DRGX: variants seen among roughly 807,000 people sequenced by gnomAD.
DRGX encodes dorsal root ganglia homeobox protein.
Under a neutral mutation model 28.6 loss-of-function variants are expected in DRGX, and 21 were observed. The ratio of observed to expected loss-of-function variants is 0.73; its 90% CI spans 0.52 to 1.06. The LOEUF (loss-of-function observed/expected upper bound fraction) is 1.06, where lower values mean the gene tolerates loss of function less well. Among genes scored for constraint, DRGX ranks in the 50% least tolerant of loss-of-function variants. The pLI, the probability that DRGX is intolerant of heterozygous loss-of-function variation, is 0.00. For missense variants in DRGX, 354 were observed against 343.9 expected, an observed-to-expected ratio of 1.03 and a Z score of -0.23; for synonymous variants, 136 against 139.1, an observed-to-expected ratio of 0.98 and a Z score of 0.16.
At chr10:49,371,932 C>T (rs978115426) in intron 6 of DRGX, among the ~76,000 whole-genome samples, 1 of 152,052 alleles carries the variant, frequency 6.6e-6, no homozygotes, top group Non-Finnish European at 1.5e-5. Context: ...CCAAGACTGC[C>T]ACAAACTAGA....
chr10:49,372,478 G>T (rs992215741), intron 6 of DRGX, among the ~76,000 whole-genome samples: 1 of 152,128 alleles, frequency 6.6e-6, no homozygotes, highest in East Asian at 1.9e-4. Context: ...CAGCTTCTTC[G>T]CCTTAACACA....
At chr10:49,395,085 C>T (rs1358811891) in intron 2 of DRGX, among the ~76,000 whole-genome samples, 4 of 152,362 alleles carry the variant, frequency 2.6e-5, no homozygotes, top group East Asian at 3.9e-4. Flanking sequence ...TTGATGCGGC[C>T]CCCTGGGTTG....
intron 2 of DRGX, among the ~76,000 whole-genome samples, chr10:49,392,078 G>T (rs1204822989): frequency 1.3e-5 from 2 of 152,178 alleles, no homozygotes; most frequent in Non-Finnish European, 2.9e-5. Flanking sequence ...ACAGAGTTTG[G>T]CCCCAAATGT....
Position 49,366,018 on chromosome 10 carries a change from G to A in DRGX, c.*98C>T, listed in dbSNP as rs978590591. ...GGGTCCATGCAGAGGCCCTGGGGCCGCAGGCTTCTCCTTGCTATTTGGAGA... is the reference window on the plus strand; with the variant it reads ...GGGTCCATGCAGAGGCCCTGGGGCCACAGGCTTCTCCTTGCTATTTGGAGA... On this transcript the variant is annotated 3_prime_UTR_variant, in exon 7 of 7. Coordinates refer to ENST00000374139, the MANE Select transcript of DRGX (RefSeq NM_001276451.2). 25 of 1,404,742 alleles carry A rather than the reference G, an allele frequency of 1.8e-5. No individual in the cohort carries two copies. The highest frequency in any genetic ancestry group is 4.9e-5 in the East Asian group (2 of 40,704). 87.0% of individuals were successfully genotyped at this position (1,404,742 alleles called of 1,614,324 possible).
Position 49,365,558 on chromosome 10 carries a change from A to G in DRGX, c.*558T>C, listed in dbSNP as rs1402069337. ...TCCTGTTGGCCCCTCCCTACCCTGCATCTTCTCACTTTGTAATGAAGCCCA... is the reference window on the plus strand; with the variant it reads ...TCCTGTTGGCCCCTCCCTACCCTGCGTCTTCTCACTTTGTAATGAAGCCCA... On this transcript the variant is annotated 3_prime_UTR_variant, in exon 7 of 7. Coordinates refer to ENST00000374139, the MANE Select transcript of DRGX (RefSeq NM_001276451.2). 1 of 152,194 alleles carries G rather than the reference A, an allele frequency of 6.6e-6. No individual in the cohort carries two copies. Among genetic ancestry groups the G allele is most frequent in the Non-Finnish European group, 1.5e-5 (1 of 68,064 alleles). 9.4% of individuals were successfully genotyped at this position (152,194 alleles called of 1,614,324 possible).
chr10:49,375,483 C>T lies in DRGX; in HGVS notation c.527-9102G>A, dbSNP rs1377658118. ...ATGGAAAGAAAAACTGTATTCTTAA[C>T]GAAGTTAACCAATCTGATTAATGTC... On this transcript the variant is annotated intron_variant, in intron 6 of 6. Coordinates refer to ENST00000374139, the MANE Select transcript of DRGX (RefSeq NM_001276451.2). Among the ~76,000 whole-genome samples the T allele has an allele frequency of 3.3e-5, 5 of 152,200 alleles. No homozygotes were observed. In the East Asian group the frequency reaches 5.8e-4, roughly 18 times the overall value.
In DRGX at chr10:49,366,183, G is replaced by T; in HGVS notation, c.725C>A (p.Pro242His). Reference sequence around the variant, plus strand: ...GGTCTTTTCCTGGCTGCCATCTGGGGGCGCCGGCTTGGCGACAGGGCCGGG... The same window carrying T: ...GGTCTTTTCCTGGCTGCCATCTGGGTGCGCCGGCTTGGCGACAGGGCCGGG... ...SSPGPVAKPA[P>H]PDGSQEKTSP... is the part of the protein sequence containing the mutation. The change falls in exon 7 of 7, where the codon CCC (proline) becomes CAC (histidine). Residue 242 changes from proline to histidine, a missense_variant. Transcript: ENST00000374139. 6.2e-7 allele frequency: 1 copy of T among 1,613,092 alleles called. No homozygotes were observed. The highest frequency in any genetic ancestry group is 8.5e-7 in the Non-Finnish European group (1 of 1,179,434).
At chr10:49,370,775 AAAGT>A (rs1220020428) in intron 6 of DRGX, among the ~76,000 whole-genome samples, 3 of 152,262 alleles carry the variant, frequency 2.0e-5, no homozygotes, top group African/African-American at 7.2e-5. Context: ...GGAAAAGTAT[AAAGT>A]CAATAATCTG....
At chr10:49,379,668 C>A (rs1849753429) in intron 6 of DRGX, among the ~76,000 whole-genome samples, 1 of 152,180 alleles carries the variant, frequency 6.6e-6, no homozygotes, top group Non-Finnish European at 1.5e-5. Flanking sequence ...GGGGCCTTGC[C>A]CTTAGGAAGG....
chr10:49,382,635 G>C (rs1641138310), intron 6 of DRGX, among the ~76,000 whole-genome samples: 1 of 152,178 alleles, frequency 6.6e-6, no homozygotes, highest in South Asian at 2.1e-4. Flanking sequence ...GGCTGCAAGA[G>C]TCAGAAAGCT....
intron 3 of DRGX, 113 bp from the exon 4 acceptor site, chr10:49,390,347 C>A: frequency 1.1e-6 from 1 of 873,838 alleles, no homozygotes; most frequent in Non-Finnish European, 1.7e-6. Flanking sequence ...CAGATTAAAT[C>A]GAGGAAGGAC....
In DRGX at chr10:49,395,538, G is replaced by A. The variant is rs1469109748; in HGVS notation, c.-81-17C>T. ...CCTGCCTGGCTGCAAAGCAAACAGC[G>A]ATAGAGCTTCAAGTCTCCCTCTGCC... is the stretch of plus-strand genomic sequence containing the variant. On this transcript the variant is annotated splice_polypyrimidine_tract_variant and intron_variant, in intron 1 of 6. Transcript: ENST00000374139. The A allele has an allele frequency of 3.6e-5, 51 of 1,401,370 alleles. No homozygotes were observed. Among genetic ancestry groups the A allele is most frequent in the Non-Finnish European group, 1.8e-5 (18 of 1,018,460 alleles). 86.8% of individuals were successfully genotyped at this position (1,401,370 alleles called of 1,614,324 possible). A position where few individuals can be genotyped will look rare whatever the true frequency, so the allele number is the denominator to read the frequency against.
intron 3 of DRGX, 63 bp from the exon 4 acceptor site, chr10:49,390,297 A>G (rs1279059895): frequency 7.2e-7 from 1 of 1,393,626 alleles, no homozygotes; most frequent in Non-Finnish European, 9.9e-7. Context: ...AAGCAGATGC[A>G]TATTTCAAAT....
In DRGX at chr10:49,384,332, T is replaced by C. The variant is rs1045957074; in HGVS notation, c.526+2146A>G. On this transcript the variant is annotated intron_variant, in intron 6 of 6. Coordinates refer to ENST00000374139, the MANE Select transcript of DRGX (RefSeq NM_001276451.2). Reference sequence around the variant, plus strand: ...TGTCGCCGACCTCAAGGGCCCGCCATGCCCCTGACTAGTCAGGAAGGGGAT... The same window carrying C: ...TGTCGCCGACCTCAAGGGCCCGCCACGCCCCTGACTAGTCAGGAAGGGGAT... Among the ~76,000 whole-genome samples the C allele has an allele frequency of 5.3e-5, 8 of 152,276 alleles. No individual in the cohort carries two copies. The East Asian group carries it at 1.5e-3, about 29-fold the overall frequency.
Position 49,364,329 on chromosome 10 carries a change from T to C in DRGX, c.*1787A>G, listed in dbSNP as rs1249125823. On this transcript the variant is annotated 3_prime_UTR_variant, in exon 7 of 7. Transcript: ENST00000374139. ...ATTTCTTATCAATTATTCATGCTAA[T>C]GTGTGTGTAGTTTACTTAATTGTGT... is the stretch of plus-strand genomic sequence containing the variant. 1 of 152,252 alleles carries C rather than the reference T, an allele frequency of 6.6e-6. No individual in the cohort carries two copies. Among genetic ancestry groups the C allele is most frequent in the African/African-American group, 2.4e-5 (1 of 41,470 alleles). 9.4% of individuals were successfully genotyped at this position (152,252 alleles called of 1,614,324 possible).
chr10:49,381,513 C>G (rs566005107), intron 6 of DRGX, among the ~76,000 whole-genome samples: 9 of 152,366 alleles, frequency 5.9e-5, no homozygotes, highest in Admixed American at 5.9e-4. Flanking sequence ...CCCCAGCTCT[C>G]TCAATATGTG....
At chr10:49,380,683 G>A (rs965283721) in intron 6 of DRGX, among the ~76,000 whole-genome samples, 1 of 152,212 alleles carries the variant, frequency 6.6e-6, no homozygotes, top group Non-Finnish European at 1.5e-5. Flanking sequence ...TCCTACAAAG[G>A]ATATCTCATG....
At position 49,364,624 on chromosome 10, in the gene DRGX, A is replaced by G. The variant is rs947500153; in HGVS notation, c.*1492T>C. On this transcript the variant is annotated 3_prime_UTR_variant, in exon 7 of 7. Transcript: ENST00000374139. ...TTGCCGCTTTTTGGCAAATCGTTTC[A>G]TCTTTATACTCAACAAGCAAAATAC... 1 of 152,174 alleles carries G rather than the reference A, an allele frequency of 6.6e-6. No homozygotes were observed. The highest frequency in any genetic ancestry group is 6.5e-5 in the Admixed American group (1 of 15,286). The allele number at this position is 152,174 out of a possible 1,614,324, so 9.4% of individuals were successfully genotyped here.
At position 49,395,427 on chromosome 10, in the gene DRGX, T is replaced by C; in HGVS notation, c.14A>G (p.His5Arg). MFYF[H>R]CPPQLEGTAT... ...CTTACCCTCTAGCTGTGGCGGGCAG[T>C]GGAAATAAAACATCGCCGGCTGTCA... is the stretch of plus-strand genomic sequence containing the variant. Residue 5 changes from histidine (H) to arginine (R), a missense_variant, in exon 2 of 7, where the codon CAC becomes CGC. Transcript: ENST00000374139. 6.5e-7 allele frequency: 1 copy of C among 1,549,584 alleles called. No individual in the cohort carries two copies. Among genetic ancestry groups the C allele is most frequent in the Non-Finnish European group, 8.7e-7 (1 of 1,146,616 alleles).
Sources: gnomAD v4.1 joint callset for allele counts (sites outside exome capture counted in the v4.1 genomes callset) on GRCh38, gnomAD v4.1.1 for gene constraint, MANE v1.5 for transcripts, NCBI Gene and HGNC (gene_info 2026-07-23, HGNC 2026-07-21) for gene names.